LAIR1: variants seen among roughly 807,000 people sequenced by gnomAD.
LAIR1 encodes leukocyte-associated immunoglobulin-like receptor 1.
LAIR1 carries 24 observed loss-of-function variants against 32.8 expected under a neutral mutation model. The observed-to-expected ratio is 0.73, with a 90% CI of 0.53 to 1.03. LAIR1 has a LOEUF of 1.03. Ranked by LOEUF, LAIR1 falls within the 50% of genes least tolerant of loss-of-function variation. The probability of loss-of-function intolerance (pLI) is 0.00; values close to 1 mark genes in which losing one functional copy is unlikely to be tolerated. For synonymous variants in LAIR1, 150 were observed against 140.5 expected (o/e 1.07, Z -0.48); for missense variants, 355 against 347.5 (o/e 1.02, Z -0.17).
chr19:54,361,937 G>C (rs555819712), intron 2 of LAIR1, among the ~76,000 whole-genome samples: 3 of 151,940 alleles, frequency 2.0e-5, no homozygotes, highest in Admixed American at 2.0e-4. Context: ...CGGGTTTGAC[G>C]CCCTGAAACA....
At position 54,364,179 on chromosome 19, in the gene LAIR1, T is replaced by G. The variant is rs1474935995; in HGVS notation, c.70+116A>C. On this transcript the variant is annotated intron_variant, in intron 2 of 9. Coordinates refer to ENST00000391742, the MANE Select transcript of LAIR1 (RefSeq NM_002287.6). This position sits in a 1 kb window ranked among gnomAD's most constrained non-coding sequence, Gnocchi z 4.8. ...TTTACATTTGGAAGAGTTTGCAATC[T>G]AGGGTATATTTAAAGGGATCTCTCC... The G allele has an allele frequency of 3.3e-6, 4 of 1,204,964 alleles. No individual in the cohort carries two copies. The highest frequency in any genetic ancestry group is 4.8e-6 in the Non-Finnish European group (4 of 830,804). The allele number at this position is 1,204,964 out of a possible 1,614,324, so 74.6% of individuals were successfully genotyped here.
At chr19:54,365,980 C>T (rs966206821), upstream of LAIR1, among the ~76,000 whole-genome samples, 11 of 152,170 alleles carry the variant, frequency 7.2e-5, no homozygotes, top group South Asian at 2.1e-4. Flanking sequence ...GGCGACAACA[C>T]GGACGAAACC....
At chr19:54,359,189 T>G (rs1169504302) in intron 4 of LAIR1, among the ~76,000 whole-genome samples, 2,185 of 149,354 alleles carry the variant, frequency 0.015, 12 homozygotes, top group African/African-American at 0.052. Context: ...TCACAGGCAG[T>G]CACCGGGTCT....
In LAIR1 at chr19:54,353,923, T is replaced by TG. The variant is rs1431482590; in HGVS notation, c.*1344dup. On this transcript the variant is annotated 3_prime_UTR_variant, in exon 10 of 10. Coordinates refer to ENST00000391742, the MANE Select transcript of LAIR1 (RefSeq NM_002287.6). ...AATTTTTTTGTATTTTTAGTAGAGA[T>TG]GGGGTTTCACCGTGTTAGCCAGGAT... 6.8e-6 allele frequency: 1 copy of TG among 147,950 alleles called. No individual in the cohort carries two copies. The highest frequency in any genetic ancestry group is 1.5e-5 in the Non-Finnish European group (1 of 66,752). The allele number at this position is 147,950 out of a possible 1,614,324, so 9.2% of individuals were successfully genotyped here.
At chr19:54,373,324 G>C (rs966932650), upstream of LAIR1, among the ~76,000 whole-genome samples, 99 of 150,630 alleles carry the variant, frequency 6.6e-4, 1 homozygote, top group African/African-American at 2.3e-3. Flanking sequence ...GGCACCTGTA[G>C]TCCCAGCTAC....
chr19:54,358,058 T>A (rs1421259296), intron 4 of LAIR1: 1 of 146,860 alleles, frequency 6.8e-6, no homozygotes, highest in Non-Finnish European at 1.5e-5. Context: ...ATACATATAA[T>A]TTAATGTATA....
At chr19:54,361,688 C>T (rs1238093520) in intron 2 of LAIR1, among the ~76,000 whole-genome samples, 1 of 140,922 alleles carries the variant, frequency 7.1e-6, no homozygotes, top group Non-Finnish European at 1.6e-5. Flanking sequence ...ACGGGGGTTG[C>T]CAGGCTCCTT....
At chr19:54,367,946 G>A (rs1464851737), upstream of LAIR1, among the ~76,000 whole-genome samples, 1 of 150,028 alleles carries the variant, frequency 6.7e-6, no homozygotes, top group Admixed American at 6.6e-5. Flanking sequence ...CTAATTTTTT[G>A]TATTTTTAGT....
At chr19:54,363,436 G>A (rs1226410405) in intron 2 of LAIR1, among the ~76,000 whole-genome samples, 2 of 152,122 alleles carry the variant, frequency 1.3e-5, no homozygotes, top group Non-Finnish European at 2.9e-5. Flanking sequence ...GCTCAGCCTT[G>A]GTTGTGTTGG....
intron 2 of LAIR1, among the ~76,000 whole-genome samples, chr19:54,362,148 C>T (rs1569199295): frequency 6.6e-6 from 1 of 151,980 alleles, no homozygotes; most frequent in Non-Finnish European, 1.5e-5. Flanking sequence ...CCTCACTTTG[C>T]GTAGTTAATT....
chr19:54,365,060 A>T, upstream of LAIR1: 3 of 1,388,354 alleles, frequency 2.2e-6, no homozygotes, highest in Non-Finnish European at 2.8e-6. Context: ...AGATGACCGT[A>T]AACTAGTTAC....
At chr19:54,368,323 G>A (rs1018375159), upstream of LAIR1, 14 of 152,168 alleles carry the variant, frequency 9.2e-5, no homozygotes, top group African/African-American at 3.4e-4. Flanking sequence ...AACTTCTCAT[G>A]GTTGCAAGGA....
At chr19:54,372,801 C>T (rs2082438548), upstream of LAIR1, among the ~76,000 whole-genome samples, 2 of 151,246 alleles carry the variant, frequency 1.3e-5, no homozygotes, top group Non-Finnish European at 2.9e-5. Context: ...TTATAAACTT[C>T]TCTAAATCTA....
upstream of LAIR1, among the ~76,000 whole-genome samples, chr19:54,371,637 A>C (rs2082408105): frequency 6.6e-6 from 1 of 151,604 alleles, no homozygotes; most frequent in Non-Finnish European, 1.5e-5. Context: ...TTTTCAAAAC[A>C]ATGTTTGCAA....
At chr19:54,366,831 G>A (rs921770400), upstream of LAIR1, among the ~76,000 whole-genome samples, 6 of 152,124 alleles carry the variant, frequency 3.9e-5, no homozygotes, top group Non-Finnish European at 8.8e-5. Flanking sequence ...CAAGTGGCAT[G>A]GCTTCTTGTA....
intron 4 of LAIR1, chr19:54,358,520 T>A: frequency 6.2e-7 from 1 of 1,603,704 alleles, no homozygotes; most frequent in Middle Eastern, 1.7e-4. Flanking sequence ...TGCATTTCTA[T>A]TGCTCATTCT....
In LAIR1 at chr19:54,355,809, T is replaced by C; in HGVS notation, c.717+145A>G. 2 of 660,170 alleles carry C rather than the reference T, an allele frequency of 3.0e-6. No individual in the cohort carries two copies. Among genetic ancestry groups the C allele is most frequent in the Non-Finnish European group, 2.7e-6 (1 of 366,054 alleles). The allele number at this position is 660,170 out of a possible 1,614,324, so 40.9% of individuals were successfully genotyped here. A position where few individuals can be genotyped will look rare whatever the true frequency, so the allele number is the denominator to read the frequency against. ...GGGAGCCTTCGGATGCACACAGCCC[T>C]GGGCGACCTCTCGACAGCAACCTCA... On this transcript the variant is annotated intron_variant, in intron 9 of 9. Transcript: ENST00000391742. This position sits in a 1 kb window ranked among gnomAD's most constrained non-coding sequence, Gnocchi z 4.7.
upstream of LAIR1, among the ~76,000 whole-genome samples, chr19:54,369,353 G>T (rs1272826355): frequency 2.6e-5 from 4 of 151,372 alleles, 1 homozygote; most frequent in African/African-American, 9.8e-5. Context: ...GCCCAGGAAG[G>T]TTGGGGGGCA....
Position 54,355,260 on chromosome 19 carries a change from G to T in LAIR1, c.*8C>A, listed in dbSNP as rs754763759. 5.6e-6 allele frequency: 9 copies of T among 1,596,754 alleles called. No homozygotes were observed. Among genetic ancestry groups the T allele is most frequent in the East Asian group, 2.3e-5 (1 of 43,730 alleles). ...ACCCTCAGGTGCAGAGGCCAGGTGGGTATGGGGTCAGTGTCTGGCAACGGC... is the reference window on the plus strand; with the variant it reads ...ACCCTCAGGTGCAGAGGCCAGGTGGTTATGGGGTCAGTGTCTGGCAACGGC... On this transcript the variant is annotated 3_prime_UTR_variant, in exon 10 of 10. Coordinates refer to ENST00000391742, the MANE Select transcript of LAIR1 (RefSeq NM_002287.6). This position sits in a 1 kb window ranked among gnomAD's most constrained non-coding sequence, Gnocchi z 4.7.
Sources: gnomAD v4.1 joint callset for allele counts (sites outside exome capture counted in the v4.1 genomes callset) on GRCh38, gnomAD v4.1.1 for gene constraint, Gnocchi (gnomAD v3.1) non-coding constraint, MANE v1.5 for transcripts, NCBI Gene and HGNC (gene_info 2026-07-23, HGNC 2026-07-21) for gene names.